CCNB2: variants seen among roughly 807,000 people sequenced by gnomAD.
CCNB2 encodes the protein G2/mitotic-specific cyclin-B2.
CCNB2 carries 39 observed loss-of-function variants against 51.1 expected under a neutral mutation model. The observed-to-expected ratio is 0.76, with a 90% CI of 0.59 to 1.00. CCNB2 has a LOEUF of 1.00. CCNB2 is among the 50% of genes least tolerant of loss of function. The pLI is 0.00. For synonymous variants in CCNB2, 174 were observed against 165.5 expected (o/e 1.05, Z -0.40); for missense variants, 472 against 470.3 (o/e 1.00, Z -0.03).
At position 59,124,950 on chromosome 15, in the gene CCNB2, A is replaced by C; in HGVS notation, c.*73A>C. On this transcript the variant is annotated 3_prime_UTR_variant, in exon 9 of 9. Coordinates refer to ENST00000288207, the MANE Select transcript of CCNB2 (RefSeq NM_004701.4). ...ATTGGTTTAGAACTCTTGATTTTGT[A>C]CATAGTCCTCTGGTCTATCTCATGA... The C allele has an allele frequency of 1.2e-6, 1 of 863,038 alleles. No homozygotes were observed. The highest frequency in any genetic ancestry group is 3.1e-5 in the Admixed American group (1 of 31,856). 53.5% of individuals were successfully genotyped at this position (863,038 alleles called of 1,614,324 possible).
rs183917477 is a variant in CCNB2, at chr15:59,117,005, C to T, written c.834+79C>T. On this transcript the variant is annotated intron_variant, in intron 6 of 8. Transcript: ENST00000288207. Reference sequence around the variant, plus strand: ...AAACCTTGACCTAATTTAAGGAAAGCTTATTTATAGGACGCTTCCTTTAGG... The same window carrying T: ...AAACCTTGACCTAATTTAAGGAAAGTTTATTTATAGGACGCTTCCTTTAGG... 4.5e-5 allele frequency: 56 copies of T among 1,237,248 alleles called. 1 individual carries two copies. In the Admixed American group the frequency reaches 6.9e-4, roughly 15 times the overall value. 76.6% of individuals were successfully genotyped at this position (1,237,248 alleles called of 1,614,324 possible).
At chr15:59,124,425 A>G in intron 8 of CCNB2, 1 of 281,682 alleles carries the variant, frequency 3.6e-6, no homozygotes, top group South Asian at 4.3e-5. Flanking sequence ...TATTGCTGCC[A>G]GGCCTGGTGA....
In CCNB2 at chr15:59,114,878, T is replaced by A. The variant is rs771930078; in HGVS notation, c.597+2T>A. 1 of 1,610,512 alleles carries A rather than the reference T, an allele frequency of 6.2e-7. No individual in the cohort carries two copies. The highest frequency in any genetic ancestry group is 8.5e-7 in the Non-Finnish European group (1 of 1,177,262). On this transcript the variant is annotated splice_donor_variant, in intron 5 of 8. Coordinates refer to ENST00000288207, the MANE Select transcript of CCNB2 (RefSeq NM_004701.4). LOFTEE classifies it high-confidence loss of function. ...GGCATTATGGATCGATTTTTACAGG[T>A]AGGTGTGGCTTCAGGGACTTCACGC... is the stretch of plus-strand genomic sequence containing the variant.
At chr15:59,121,931 CAAAAA>C (rs3052992) in intron 7 of CCNB2, among the ~76,000 whole-genome samples, 191 of 14,068 alleles carry the variant, frequency 0.014, 1 homozygote, top group African/African-American at 0.034. Flanking sequence ...GACTCTGTCT[CAAAAA>C]AAAAAAAAAA....
chr15:59,118,816 G>T (rs1308760715), intron 7 of CCNB2, among the ~76,000 whole-genome samples: 1 of 152,256 alleles, frequency 6.6e-6, no homozygotes, highest in Non-Finnish European at 1.5e-5. Flanking sequence ...GGATCACAAA[G>T]CATTTTGCCA....
At chr15:59,116,571 G>A in intron 5 of CCNB2, 119 bp from the exon 6 acceptor site, 1 of 487,842 alleles carries the variant, frequency 2.0e-6, no homozygotes. Flanking sequence ...GGTCTCCTGT[G>A]CCCTTATGAG....
chr15:59,118,072 C>T (rs1035681532), intron 7 of CCNB2, among the ~76,000 whole-genome samples: 7 of 152,194 alleles, frequency 4.6e-5, no homozygotes, highest in African/African-American at 1.7e-4. Context: ...TGTATGATTT[C>T]TTAGATATTA....
chr15:59,123,424 A>G, intron 7 of CCNB2, 93 bp from the exon 8 acceptor site: 1 of 711,944 alleles, frequency 1.4e-6, no homozygotes, highest in Non-Finnish European at 2.5e-6. Flanking sequence ...TTACATAAGT[A>G]ATGTCATCAT....
At position 59,107,607 on chromosome 15, in the gene CCNB2, C is replaced by G. The variant is rs1205684824; in HGVS notation, c.204C>G (p.Val68=). ...VPVQPTKTTN[V]NKQLKPTASV... ...TTCAACCCACCAAAACAACAAATGTCAACAAACAACTGAAACCTACTGCTT... is the reference window on the plus strand; with the variant it reads ...TTCAACCCACCAAAACAACAAATGTGAACAAACAACTGAAACCTACTGCTT... The change falls in exon 3 of 9, where the codon GTC becomes GTG. Residue 68 remains valine (V), a synonymous_variant. Coordinates refer to ENST00000288207, the MANE Select transcript of CCNB2 (RefSeq NM_004701.4). 6.2e-7 allele frequency: 1 copy of G among 1,614,172 alleles called. No homozygotes were observed.
Position 59,107,325 on chromosome 15 carries a change from T to G in CCNB2, c.28T>G (p.Ser10Ala). ...TACTTTTTTTTTTTTTTTTCAGGTGTCCAGTGATTTGGAGAATATTGACAC... is the reference window on the plus strand; with the variant it reads ...TACTTTTTTTTTTTTTTTTCAGGTGGCCAGTGATTTGGAGAATATTGACAC... MALLRRPTV[S>A]SDLENIDTGV... is the part of the protein sequence containing the mutation. Residue 10 changes from serine (S) to alanine (A), a missense_variant, in exon 2 of 9, where the codon TCC becomes GCC. Ser to Ala is a moderately conservative substitution (Grantham distance 99). Coordinates refer to ENST00000288207, the MANE Select transcript of CCNB2 (RefSeq NM_004701.4). 1.3e-6 allele frequency: 2 copies of G among 1,579,920 alleles called. No homozygotes were observed. Among genetic ancestry groups the G allele is most frequent in the Non-Finnish European group, 1.7e-6 (2 of 1,163,628 alleles).
Position 59,107,325 on chromosome 15 carries a change from T to C in CCNB2, c.28T>C (p.Ser10Pro). Residue 10 changes from serine to proline, a missense_variant, in exon 2 of 9, where the codon TCC becomes CCC. Coordinates refer to ENST00000288207, the MANE Select transcript of CCNB2 (RefSeq NM_004701.4). The part of the protein sequence containing the change: MALLRRPTV[S>P]SDLENIDTGV... ...TACTTTTTTTTTTTTTTTTCAGGTG[T>C]CCAGTGATTTGGAGAATATTGACAC... is the stretch of plus-strand genomic sequence containing the variant. The C allele has an allele frequency of 6.3e-7, 1 of 1,579,916 alleles. No individual in the cohort carries two copies. The highest frequency in any genetic ancestry group is 8.6e-7 in the Non-Finnish European group (1 of 1,163,626).
chr15:59,105,624 G>A (rs1361852928), intron 1 of CCNB2, among the ~76,000 whole-genome samples: 1 of 152,206 alleles, frequency 6.6e-6, no homozygotes, highest in Non-Finnish European at 1.5e-5. Flanking sequence ...CATTGCTAGA[G>A]AGTTATCTAC....
chr15:59,107,528 G>A, intron 2 of CCNB2, 29 bp from the exon 3 acceptor site: 1 of 1,613,650 alleles, frequency 6.2e-7, no homozygotes, highest in Non-Finnish European at 8.5e-7. Context: ...TGGCTGTCTT[G>A]CGCTATTCAT....
At chr15:59,111,992 C>A (rs996395653) in intron 3 of CCNB2, among the ~76,000 whole-genome samples, 1 of 151,630 alleles carries the variant, frequency 6.6e-6, no homozygotes, top group African/African-American at 2.4e-5. Flanking sequence ...GTTGGGACAA[C>A]AAGTGTGCGC....
intron 3 of CCNB2, among the ~76,000 whole-genome samples, chr15:59,109,518 T>C (rs1475682679): frequency 6.6e-6 from 1 of 152,208 alleles, no homozygotes; most frequent in Non-Finnish European, 1.5e-5. Context: ...TAGTAGAATA[T>C]TTAAAGGCAT....
chr15:59,116,661 T>G, intron 5 of CCNB2, 29 bp from the exon 6 acceptor site: 1 of 1,496,938 alleles, frequency 6.7e-7, no homozygotes, highest in Non-Finnish European at 9.3e-7. Flanking sequence ...TTGTTAGGTG[T>G]GACTTTTGTT....
At chr15:59,106,325 CAAGT>C (rs1463790551) in intron 1 of CCNB2, among the ~76,000 whole-genome samples, 9 of 152,132 alleles carry the variant, frequency 5.9e-5, no homozygotes, top group Non-Finnish European at 1.3e-4. Context: ...GTCCAACTGA[CAAGT>C]AATTTTTTAT....
chr15:59,118,125 G>T (rs2079286439), intron 7 of CCNB2, among the ~76,000 whole-genome samples: 1 of 152,214 alleles, frequency 6.6e-6, no homozygotes, highest in Admixed American at 6.5e-5. Context: ...CAAGACAAAG[G>T]AAGGCCAAGG....
chr15:59,124,423 C>G (rs2079316582), intron 8 of CCNB2: 3 of 278,242 alleles, frequency 1.1e-5, no homozygotes, highest in Admixed American at 5.0e-5. Context: ...CCTATTGCTG[C>G]CAGGCCTGGT....
Sources: gnomAD v4.1 joint callset for allele counts (sites outside exome capture counted in the v4.1 genomes callset) on GRCh38, gnomAD v4.1.1 for gene constraint, MANE v1.5 for transcripts, NCBI Gene and HGNC (gene_info 2026-07-23, HGNC 2026-07-21) for gene names.